The following CEP104 variants were observed in gnomAD, a reference collection of about 807,000 sequenced individuals.
CEP104 encodes the protein centrosomal protein of 104 kDa.
In CEP104, 84 loss-of-function variants were observed where a neutral mutation model predicts 113.3. The observed-to-expected ratio is 0.74, with a 90% CI of 0.62 to 0.89. CEP104 has a LOEUF of 0.89. Among genes scored for constraint, CEP104 ranks in the 40% least tolerant of loss-of-function variants. The pLI is 0.00. For missense variants in CEP104, 1,053 were observed against 1,156.6 expected, an observed-to-expected ratio of 0.91 and a Z score of 1.30; for synonymous variants, 378 against 421.7, an observed-to-expected ratio of 0.90 and a Z score of 1.27.
At chr1:3,836,254 G>A (rs554676773) in intron 10 of CEP104, among the ~76,000 whole-genome samples, 13 of 151,082 alleles carry the variant, frequency 8.6e-5, no homozygotes, top group African/African-American at 2.4e-4. Context: ...TGCAGTGAGC[G>A]GAGATCTTGC....
chr1:3,843,376 A>AT (rs34104489), intron 6 of CEP104: 146,184 of 339,870 alleles, frequency 0.43, 25,097 homozygotes, highest in Admixed American at 0.51. Context: ...AATATGTATA[A>AT]TTTTTTTTTT....
At chr1:3,821,539 G>A (rs1489040338) in intron 20 of CEP104, among the ~76,000 whole-genome samples, 9 of 152,218 alleles carry the variant, frequency 5.9e-5, no homozygotes, top group Non-Finnish European at 1.3e-4. Flanking sequence ...GCAGATGAAC[G>A]AAGGAGGGAT....
intron 20 of CEP104, among the ~76,000 whole-genome samples, chr1:3,820,150 G>A (rs1018193351): frequency 1.3e-5 from 2 of 152,146 alleles, no homozygotes; most frequent in African/African-American, 2.4e-5. Flanking sequence ...AGATACGCCT[G>A]GTGACAGCCT....
intron 4 of CEP104, among the ~76,000 whole-genome samples, chr1:3,846,086 C>CAAAAAAAA (rs5772127): frequency 2.1e-5 from 2 of 95,144 alleles, no homozygotes. Flanking sequence ...AACTCCGTCT[C>CAAAAAAAA]AAAAAAAAAA....
chr1:3,837,611 G>A, intron 8 of CEP104, 92 bp from the exon 9 acceptor site: 1 of 1,142,888 alleles, frequency 8.7e-7, no homozygotes, highest in Non-Finnish European at 1.3e-6. Context: ...ACTTTAGAAA[G>A]CTGTGCTGGA....
At chr1:3,821,633 G>A (rs955144935) in intron 20 of CEP104, among the ~76,000 whole-genome samples, 2 of 152,064 alleles carry the variant, frequency 1.3e-5, no homozygotes, top group African/African-American at 2.4e-5. Flanking sequence ...CGCGCCTCCC[G>A]GGGGACACAC....
At chr1:3,851,813 T>C (rs755799013) in intron 2 of CEP104, among the ~76,000 whole-genome samples, 8 of 152,178 alleles carry the variant, frequency 5.3e-5, no homozygotes, top group South Asian at 2.1e-4. Flanking sequence ...CTGTGCCCAA[T>C]TGAACATTTT....
At position 3,847,539 on chromosome 1, in the gene CEP104, A is replaced by G. The variant is rs1644529946; in HGVS notation, c.362T>C (p.Val121Ala). ...AAAAATCAGTTTAAGAAATTGTCCTACTGCATCCACATAAACTGATTTTAG... is the reference window on the plus strand; with the variant it reads ...AAAAATCAGTTTAAGAAATTGTCCTGCTGCATCCACATAAACTGATTTTAG... ...RELKSVYVDA[V>A]GQFLKLIFHQ... Residue 121 changes from valine to alanine, a missense_variant, in exon 4 of 22, where the codon GTA becomes GCA. Val to Ala is a moderately conservative substitution (Grantham distance 64). Coordinates refer to ENST00000378230, the MANE Select transcript of CEP104 (RefSeq NM_014704.4). The G allele has an allele frequency of 1.9e-6, 3 of 1,613,192 alleles. No individual in the cohort carries two copies. The highest frequency in any genetic ancestry group is 2.5e-6 in the Non-Finnish European group (3 of 1,179,536).
chr1:3,812,892 A>T lies in CEP104; in HGVS notation c.*2510T>A, dbSNP rs1335103152. On this transcript the variant is annotated 3_prime_UTR_variant, in exon 22 of 22. Coordinates refer to ENST00000378230, the MANE Select transcript of CEP104 (RefSeq NM_014704.4). ...ACAAAAACAAAAAAACAACAAAAAA[A>T]CCCCCTGTAACTAACAAAAGAGGAA... The T allele has an allele frequency of 6.6e-6, 1 of 151,456 alleles. No individual in the cohort carries two copies. The allele number at this position is 151,456 out of a possible 1,614,324, so 9.4% of individuals were successfully genotyped here.
In CEP104 at chr1:3,814,653, C is replaced by A. The variant is rs1213888401; in HGVS notation, c.*749G>T. On this transcript the variant is annotated 3_prime_UTR_variant, in exon 22 of 22. Coordinates refer to ENST00000378230, the MANE Select transcript of CEP104 (RefSeq NM_014704.4). ...CTCTGAGCAAAGGCACGGGAAGGGC[C>A]CACACCTGTGTCTACCTCAGTTCCA... 6.6e-6 allele frequency: 1 copy of A among 152,190 alleles called. No individual in the cohort carries two copies. Among genetic ancestry groups the A allele is most frequent in the Non-Finnish European group, 1.5e-5 (1 of 68,034 alleles). 9.4% of individuals were successfully genotyped at this position (152,190 alleles called of 1,614,324 possible).
chr1:3,822,540 C>T (rs1052956989), intron 20 of CEP104, among the ~76,000 whole-genome samples: 22 of 152,222 alleles, frequency 1.4e-4, no homozygotes, highest in African/African-American at 4.6e-4. Flanking sequence ...GCTCAGCATT[C>T]GCTGCCTGGC....
chr1:3,852,277 G>T lies in CEP104; in HGVS notation c.113+18C>A. The T allele has an allele frequency of 6.2e-7, 1 of 1,602,158 alleles. No individual in the cohort carries two copies. ...GAGGCTGCCTCCCAGCCCAAGCCCCGCCCCGTCCAGTCCTCACCTAGGTGA... is the reference window on the plus strand; with the variant it reads ...GAGGCTGCCTCCCAGCCCAAGCCCCTCCCCGTCCAGTCCTCACCTAGGTGA... On this transcript the variant is annotated intron_variant, in intron 2 of 21. Transcript: ENST00000378230.
intron 6 of CEP104, among the ~76,000 whole-genome samples, chr1:3,840,607 G>T (rs1644395147): frequency 6.6e-6 from 1 of 151,294 alleles, no homozygotes; most frequent in African/African-American, 2.4e-5. Flanking sequence ...GCATGATCTT[G>T]GGCTCACTGC....
At position 3,823,401 on chromosome 1, in the gene CEP104, G is replaced by A; in HGVS notation, c.2503+23C>T. The A allele has an allele frequency of 1.9e-6, 3 of 1,614,204 alleles. No homozygotes were observed. The highest frequency in any genetic ancestry group is 1.1e-5 in the South Asian group (1 of 91,084). On this transcript the variant is annotated intron_variant, in intron 19 of 21. Transcript: ENST00000378230. The surrounding 1 kb of genome is among the most constrained non-coding windows in gnomAD (Gnocchi z 4.1). ...GGACCCCTGGTGACCCGAGGGCACG[G>A]GAGCCTGGGAAGGGGCACTCACGGT...
chr1:3,834,585 A>C (rs934624026), intron 11 of CEP104, among the ~76,000 whole-genome samples: 7 of 152,224 alleles, frequency 4.6e-5, no homozygotes, highest in African/African-American at 1.7e-4. Context: ...TCTCAACCTC[A>C]TCAGGTTTCA....
At position 3,833,914 on chromosome 1, in the gene CEP104, CTGG is replaced by C. The variant is rs767530653; in HGVS notation, c.1604_1606del (p.Thr535del). 1.9e-6 allele frequency: 3 copies of C among 1,614,216 alleles called. No individual in the cohort carries two copies. Among genetic ancestry groups the C allele is most frequent in the Non-Finnish European group, 2.5e-6 (3 of 1,180,046 alleles). On this transcript the variant is annotated inframe_deletion, in exon 12 of 22. Coordinates refer to ENST00000378230, the MANE Select transcript of CEP104 (RefSeq NM_014704.4). Reference sequence around the variant, plus strand: ...GAGGCGGGCAGAAGAATCTCCAGTTCTGGTGAGCAAAACGGGAATGGTCCTCTC... The same window carrying C: ...GAGGCGGGCAGAAGAATCTCCAGTTCTGAGCAAAACGGGAATGGTCCTCTC...
chr1:3,818,446 G>A (rs1000082559), intron 20 of CEP104, among the ~76,000 whole-genome samples: 3 of 152,182 alleles, frequency 2.0e-5, no homozygotes, highest in African/African-American at 4.8e-5. Context: ...GGACTCCACC[G>A]GCCAAGTCCT....
intron 6 of CEP104, among the ~76,000 whole-genome samples, chr1:3,842,038 A>T (rs183319614): frequency 3.9e-5 from 6 of 152,186 alleles, no homozygotes; most frequent in African/African-American, 1.4e-4. Context: ...TGATTTTTCT[A>T]TTACACAAAG....
At chr1:3,816,553 C>T (rs1437957252) in intron 20 of CEP104, 183 bp from the exon 21 acceptor site, 2 of 580,904 alleles carry the variant, frequency 3.4e-6, no homozygotes, top group Non-Finnish European at 6.1e-6. Context: ...CCTCTGCAGT[C>T]TGTGCAGGGT....
Sources: gnomAD v4.1 joint callset for allele counts (sites outside exome capture counted in the v4.1 genomes callset) on GRCh38, gnomAD v4.1.1 for gene constraint, Gnocchi (gnomAD v3.1) non-coding constraint, MANE v1.5 for transcripts, NCBI Gene and HGNC (gene_info 2026-07-23, HGNC 2026-07-21) for gene names.